SRGAP3: variants seen among roughly 807,000 people sequenced by gnomAD.
The protein encoded by SRGAP3 is SLIT-ROBO Rho GTPase-activating protein 3.
Under a neutral mutation model 121.1 loss-of-function variants are expected in SRGAP3, and 39 were observed. That is an observed-to-expected ratio of 0.32 (90% CI 0.25 to 0.42). SRGAP3 has a LOEUF of 0.42. Ranked by LOEUF, SRGAP3 falls within the 10% of genes least tolerant of loss-of-function variation. The pLI is 1.00. For synonymous variants in SRGAP3, 601 were observed against 570.0 expected (o/e 1.05, Z -0.77); for missense variants, 1,213 against 1,470.6 (o/e 0.82, Z 2.86).
chr3:9,006,008 G>A (rs1049036132), intron 18 of SRGAP3, among the ~76,000 whole-genome samples: 3 of 152,150 alleles, frequency 2.0e-5, no homozygotes, highest in Non-Finnish European at 4.4e-5. Context: ...GCCAAATGCC[G>A]CAAGCCAGTT....
chr3:9,308,169 A>ATTTGTTGCATGTGT (rs1454900337), intron 3 of SRGAP3, among the ~76,000 whole-genome samples: 50 of 152,308 alleles, frequency 3.3e-4, no homozygotes, highest in Non-Finnish European at 6.6e-4. Context: ...AACAGGCCAC[A>ATTTGTTGCATGTGT]GCACCATCCC....
At chr3:9,338,860 G>A (rs532477656) in intron 1 of SRGAP3, among the ~76,000 whole-genome samples, 104 of 152,242 alleles carry the variant, frequency 6.8e-4, no homozygotes, top group Non-Finnish European at 1.1e-3. Flanking sequence ...CCAATGGCAC[G>A]TACCCTCTAC....
intron 2 of SRGAP3, among the ~76,000 whole-genome samples, chr3:9,326,941 A>G (rs1955530181): frequency 6.6e-6 from 1 of 151,850 alleles, no homozygotes; most frequent in Non-Finnish European, 1.5e-5. Context: ...TGAAGATAGC[A>G]TGAGGCCAAC....
chr3:9,018,666 C>T (rs577289096), intron 14 of SRGAP3, among the ~76,000 whole-genome samples: 82 of 152,320 alleles, frequency 5.4e-4, no homozygotes, highest in South Asian at 1.2e-3. Flanking sequence ...GATCGGAGTA[C>T]ATGTTCAAAA....
chr3:9,244,357 C>T (rs1324749003), intron 1 of SRGAP3, among the ~76,000 whole-genome samples: 2 of 152,014 alleles, frequency 1.3e-5, no homozygotes, highest in Admixed American at 1.3e-4. Context: ...TAAATACATG[C>T]CCCTCTGTGG....
intron 1 of SRGAP3, among the ~76,000 whole-genome samples, chr3:9,146,907 G>A (rs111757714): frequency 7.2e-5 from 11 of 152,308 alleles, no homozygotes; most frequent in South Asian, 2.1e-4. Flanking sequence ...GACGCCCAGC[G>A]GTGGCAGCCT....
At position 9,060,332 on chromosome 3, in the gene SRGAP3, G is replaced by A. The variant is rs35952589; in HGVS notation, c.700C>T (p.Leu234=). The change falls in exon 6 of 22, where the codon CTG becomes TTG. Residue 234 remains leucine, a synonymous_variant. Transcript: ENST00000383836. ...TCATTCCGGGCCTTTGTGCATTTCA[G>A]CTTGTTCTCAGAGTACTTGGCCTGC... ...KRQAKYSENK[L]KCTKARNDYL... 2.5e-3 allele frequency: 4,015 copies of A among 1,613,862 alleles called. 89 individuals carry two copies. The African/African-American group carries it at 0.046, about 18-fold the overall frequency.
chr3:9,166,363 G>A (rs1950784442), intron 1 of SRGAP3, among the ~76,000 whole-genome samples: 1 of 152,136 alleles, frequency 6.6e-6, no homozygotes, highest in Non-Finnish European at 1.5e-5. Context: ...ACTGCTAGAT[G>A]GTCCCACAAA....
At chr3:9,193,111 G>A (rs933006942) in intron 1 of SRGAP3, 5 of 152,240 alleles carry the variant, frequency 3.3e-5, no homozygotes, top group Non-Finnish European at 7.3e-5. Flanking sequence ...GGGTGAGGGA[G>A]ACAAGTCAAG....
At chr3:9,317,283 G>T (rs1955364953) in intron 3 of SRGAP3, among the ~76,000 whole-genome samples, 1 of 152,122 alleles carries the variant, frequency 6.6e-6, no homozygotes, top group African/African-American at 2.4e-5. Flanking sequence ...CCAGAAACAG[G>T]GAAATATTTC....
At chr3:9,250,563 C>T (rs1256661666), upstream of SRGAP3, among the ~76,000 whole-genome samples, 1 of 152,134 alleles carries the variant, frequency 6.6e-6, no homozygotes, top group Non-Finnish European at 1.5e-5. Context: ...GGGTAAGGAA[C>T]ATCGGGAATG....
intron 4 of SRGAP3, among the ~76,000 whole-genome samples, chr3:9,074,629 G>A (rs1191075979): frequency 6.6e-6 from 1 of 152,218 alleles, no homozygotes; most frequent in Non-Finnish European, 1.5e-5. Context: ...AGCCCAGGGT[G>A]GAGCTGGGAC....
chr3:9,173,164 C>T (rs1951050249), intron 1 of SRGAP3, among the ~76,000 whole-genome samples: 1 of 152,218 alleles, frequency 6.6e-6, no homozygotes, highest in Non-Finnish European at 1.5e-5. Flanking sequence ...CCCACACTCC[C>T]TGCTTCAGCG....
Position 8,985,627 on chromosome 3 carries a change from G to C in SRGAP3, c.3192C>G (p.Val1064=). 1 of 1,595,658 alleles carries C rather than the reference G, an allele frequency of 6.3e-7. No individual in the cohort carries two copies. The change falls in exon 22 of 22, where the codon GTC becomes GTG. Residue 1064 remains valine, a synonymous_variant. Transcript: ENST00000383836. The surrounding 1 kb of genome is among the most constrained non-coding windows in gnomAD (Gnocchi z 5.1). ...TGCTGCTGCTGCTGGACCGGTGCTG[G>C]ACCACCGGCCGCACGGGCCGCATGG... ...PPPMRPVRPV[V]QHRSSSSSSS... is the part of the protein sequence containing the mutation.
At chr3:9,349,669 T>C (rs1398415822) in intron 1 of SRGAP3, 1 of 154,026 alleles carries the variant, frequency 6.5e-6, no homozygotes, top group Non-Finnish European at 1.4e-5. Flanking sequence ...AAGGTTGGGA[T>C]CAATCCTGAA....
intron 1 of SRGAP3, among the ~76,000 whole-genome samples, chr3:9,227,830 G>A (rs1188780426): frequency 1.3e-5 from 2 of 152,292 alleles, no homozygotes; most frequent in African/African-American, 4.8e-5. Context: ...AAATACAGCA[G>A]CACTTCTTGT....
intron 1 of SRGAP3, among the ~76,000 whole-genome samples, chr3:9,348,216 T>A (rs1157339655): frequency 6.6e-6 from 1 of 152,192 alleles, no homozygotes; most frequent in African/African-American, 2.4e-5. Flanking sequence ...CTGCACATTC[T>A]CTGTGGTAGG....
chr3:9,286,484 G>T (rs932072960), intron 3 of SRGAP3, among the ~76,000 whole-genome samples: 6 of 152,052 alleles, frequency 3.9e-5, no homozygotes, highest in Admixed American at 1.3e-4. Flanking sequence ...AACACAGCAA[G>T]ACCCCATCTC....
At chr3:9,173,022 G>A (rs973314179) in intron 1 of SRGAP3, among the ~76,000 whole-genome samples, 1 of 152,220 alleles carries the variant, frequency 6.6e-6, no homozygotes, top group Admixed American at 6.5e-5. Context: ...AGGTGGTGGG[G>A]CATGGCTCGT....
Sources: gnomAD v4.1 joint callset for allele counts (sites outside exome capture counted in the v4.1 genomes callset) on GRCh38, gnomAD v4.1.1 for gene constraint, Gnocchi (gnomAD v3.1) non-coding constraint, MANE v1.5 for transcripts, NCBI Gene and HGNC (gene_info 2026-07-23, HGNC 2026-07-21) for gene names.